The following GTF2F2 variants were observed in gnomAD, a reference collection of about 807,000 sequenced individuals.
GTF2F2 encodes general transcription factor IIF subunit 2.
In GTF2F2, 23 loss-of-function variants were observed where a neutral mutation model predicts 42.2. The observed-to-expected ratio is 0.55, with a 90% confidence interval of 0.39 to 0.77. The LOEUF (loss-of-function observed/expected upper bound fraction) is 0.77. Among genes scored for constraint, GTF2F2 ranks in the 30% least tolerant of loss-of-function variants. The pLI is 0.00. For synonymous variants in GTF2F2, 105 were observed against 100.8 expected, an observed-to-expected ratio of 1.04 and a Z score of -0.25; for missense variants, 261 against 287.2, an observed-to-expected ratio of 0.91 and a Z score of 0.66.
intron 6 of GTF2F2, among the ~76,000 whole-genome samples, chr13:45,259,480 T>G (rs902278010): frequency 2.6e-5 from 4 of 151,900 alleles, no homozygotes; most frequent in African/African-American, 9.7e-5. Context: ...TTGGTTAATC[T>G]AATGGGGAGG....
chr13:45,224,805 A>G (rs1311513050), intron 5 of GTF2F2, among the ~76,000 whole-genome samples: 1 of 152,244 alleles, frequency 6.6e-6, no homozygotes, highest in Admixed American at 6.6e-5. Flanking sequence ...ATCATGGATG[A>G]AGCATGCAGT....
At chr13:45,171,755 G>A (rs1174540523) in intron 4 of GTF2F2, among the ~76,000 whole-genome samples, 1 of 151,880 alleles carries the variant, frequency 6.6e-6, no homozygotes, top group African/African-American at 2.4e-5. Flanking sequence ...GTAGTCACCT[G>A]TTATTCTCAC....
chr13:45,235,852 C>T (rs1044299490), intron 5 of GTF2F2, among the ~76,000 whole-genome samples: 1 of 151,910 alleles, frequency 6.6e-6, no homozygotes, highest in African/African-American at 2.4e-5. Context: ...TGATCGGCCC[C>T]CCTCAGCCTC....
At chr13:45,153,320 ATT>A (rs1236484800) in intron 4 of GTF2F2, among the ~76,000 whole-genome samples, 5 of 151,816 alleles carry the variant, frequency 3.3e-5, no homozygotes, top group Admixed American at 2.0e-4. Context: ...GCCCGGCCGA[ATT>A]TTTTTTGTGG....
At chr13:45,177,598 G>A (rs528238407) in intron 4 of GTF2F2, among the ~76,000 whole-genome samples, 1 of 152,248 alleles carries the variant, frequency 6.6e-6, no homozygotes, top group East Asian at 1.9e-4. Flanking sequence ...CACTGTGTAT[G>A]TGTTCAAATG....
At position 45,184,977 on chromosome 13, in the gene GTF2F2, GTT is replaced by G. The variant is rs775562685; in HGVS notation, c.305-22443_305-22442del. ...TAGGTGTGGGCCACCACGCCCAACT[GTT>G]TTTGTGTGTGTGTGTGTATTTTTTG... On this transcript the variant is annotated intron_variant, in intron 4 of 7. Coordinates refer to ENST00000340473, the MANE Select transcript of GTF2F2 (RefSeq NM_004128.3). Among the ~76,000 whole-genome samples the G allele has an allele frequency of 8.2e-4, 125 of 152,056 alleles. 1 individual carries two copies. The highest frequency in any genetic ancestry group is 4.7e-4 in the Non-Finnish European group (32 of 67,990).
chr13:45,124,379 G>A (rs1868858604), intron 1 of GTF2F2, among the ~76,000 whole-genome samples: 1 of 151,252 alleles, frequency 6.6e-6, no homozygotes, highest in South Asian at 2.1e-4. Flanking sequence ...ACTGCACCTG[G>A]CCTCCCCACT....
chr13:45,248,599 G>A (rs900722276), intron 5 of GTF2F2, among the ~76,000 whole-genome samples: 1 of 152,004 alleles, frequency 6.6e-6, no homozygotes, highest in Non-Finnish European at 1.5e-5. Flanking sequence ...TCAGCCTCCT[G>A]AGTAGCTGGG....
chr13:45,139,569 T>G (rs1869816565), intron 2 of GTF2F2, among the ~76,000 whole-genome samples: 1 of 152,224 alleles, frequency 6.6e-6, no homozygotes. Context: ...TGAGGTATTT[T>G]CTGGCCACCA....
At position 45,283,556 on chromosome 13, in the gene GTF2F2, G is replaced by A; in HGVS notation, c.745G>A (p.Asp249Asn). The stretch of plus-strand genomic sequence containing the variant: ...ACACTATCAAGGAGAAGAAAAGAGT[G>A]ACTAAGAAGACTCCTAGCCAGCATG... ...YRHYQGEEKS[D>N] The change falls in exon 8 of 8, where the codon GAC becomes AAC. Residue 249 changes from aspartate to asparagine, a missense_variant. By Grantham distance (23) the Asp-to-Asn change is conservative. Transcript: ENST00000340473. The A allele has an allele frequency of 6.2e-7, 1 of 1,607,502 alleles. No individual in the cohort carries two copies. Among genetic ancestry groups the A allele is most frequent in the Non-Finnish European group, 8.5e-7 (1 of 1,177,328 alleles).
intron 4 of GTF2F2, among the ~76,000 whole-genome samples, chr13:45,175,385 G>A (rs1413926679): frequency 6.6e-6 from 1 of 152,154 alleles, no homozygotes; most frequent in African/African-American, 2.4e-5. Context: ...ATTGTGAATA[G>A]TGCTGCAATA....
Position 45,151,824 on chromosome 13 carries a change from C to A in GTF2F2, c.297C>A (p.Ser99Arg). 2 of 1,486,052 alleles carry A rather than the reference C, an allele frequency of 1.3e-6. No homozygotes were observed. Among genetic ancestry groups the A allele is most frequent in the Non-Finnish European group, 1.8e-6 (2 of 1,103,644 alleles). 92.1% of individuals were successfully genotyped at this position (1,486,052 alleles called of 1,614,324 possible). Residue 99 changes from serine to arginine, a missense_variant, in exon 4 of 8, where the codon AGC becomes AGA. Coordinates refer to ENST00000340473, the MANE Select transcript of GTF2F2 (RefSeq NM_004128.3). Reference protein sequence around the residue: ...GGQTLTVFTESSSDKLSLEGI... With the variant: ...GGQTLTVFTERSSDKLSLEGI... ...AGACATTAACAGTATTTACTGAGAG[C>A]TCATCAGGTAAGTGGGAATGGAATT...
rs78136859 is a variant in GTF2F2, at chr13:45,175,940, C to T, written c.304+24109C>T. Among the ~76,000 whole-genome samples the T allele has an allele frequency of 6.4e-3, 981 of 152,188 alleles. 11 individuals carry two copies. The highest frequency in any genetic ancestry group is 0.023 in the African/African-American group (942 of 41,528). On this transcript the variant is annotated intron_variant, in intron 4 of 7. Coordinates refer to ENST00000340473, the MANE Select transcript of GTF2F2 (RefSeq NM_004128.3). ...ACCTGGCCCATTTGCCAAATTCTAT[C>T]GGGTAACATTTTGTTTTTGCCTGAA... is the stretch of plus-strand genomic sequence containing the variant.
chr13:45,168,966 A>ACCTCCTTCCCTCCTTCCTC (rs1871457622), intron 4 of GTF2F2, among the ~76,000 whole-genome samples: 2 of 64,366 alleles, frequency 3.1e-5, no homozygotes, highest in Non-Finnish European at 6.2e-5. Context: ...TTCCCTCCTT[A>ACCTCCTTCCCTCCTTCCTC]CCTCCTTCCC....
At chr13:45,259,054 A>G (rs1187647109) in intron 6 of GTF2F2, among the ~76,000 whole-genome samples, 1 of 152,062 alleles carries the variant, frequency 6.6e-6, no homozygotes, top group Non-Finnish European at 1.5e-5. Context: ...TTTTCTTCTC[A>G]TAAGGAATCA....
chr13:45,275,919 A>G (rs1247399533), intron 7 of GTF2F2, among the ~76,000 whole-genome samples: 2 of 152,332 alleles, frequency 1.3e-5, no homozygotes, highest in East Asian at 1.9e-4. Flanking sequence ...AGTCCCACCA[A>G]CAGGGTAAAA....
intron 5 of GTF2F2, among the ~76,000 whole-genome samples, chr13:45,248,831 T>C (rs988505189): frequency 1.1e-4 from 17 of 152,334 alleles, no homozygotes; most frequent in African/African-American, 4.1e-4. Context: ...AGCCTGGCTG[T>C]ATCTAAGTGA....
Position 45,186,725 on chromosome 13 carries a change from A to G in GTF2F2, c.305-20699A>G, listed in dbSNP as rs573447932. Among the ~76,000 whole-genome samples, 13 of 152,366 alleles carry G rather than the reference A, an allele frequency of 8.5e-5. No individual in the cohort carries two copies. In the East Asian group the frequency reaches 2.5e-3, roughly 29 times the overall value. ...TAAGTGATAGAAGATAAATCAAGTC[A>G]AAATTAGTATCACTCAACATTTTTT... On this transcript the variant is annotated intron_variant, in intron 4 of 7. Transcript: ENST00000340473.
chr13:45,199,973 G>A (rs1822494882), intron 4 of GTF2F2, among the ~76,000 whole-genome samples: 1 of 152,060 alleles, frequency 6.6e-6, no homozygotes, highest in South Asian at 2.1e-4. Flanking sequence ...AGAGTAGGGA[G>A]GAGTTATAAA....
Sources: allele counts gnomAD v4.1 joint callset (sites outside exome capture counted in the v4.1 genomes callset), GRCh38; gene constraint gnomAD v4.1.1; transcripts MANE v1.5; gene names NCBI Gene and HGNC (gene_info 2026-07-23, HGNC 2026-07-21).